The following TRMT11 variants were observed in gnomAD, a reference collection of about 807,000 sequenced individuals.
TRMT11 encodes the protein tRNA (guanine(10)-N(2))-methyltransferase TRMT11.
A neutral mutation model predicts 62.8 loss-of-function variants in TRMT11; 53 were observed. That is an observed-to-expected ratio of 0.84 (90% CI 0.68 to 1.06). The LOEUF is 1.06. Ranked by LOEUF, TRMT11 falls within the 50% of genes least tolerant of loss-of-function variation. The pLI, the probability that TRMT11 is intolerant of heterozygous loss-of-function variation, is 0.00. For missense variants in TRMT11, 556 were observed against 553.4 expected, an observed-to-expected ratio of 1.00 and a Z score of -0.05; for synonymous variants, 188 against 190.3, an observed-to-expected ratio of 0.99 and a Z score of 0.10.
chr6:126,068,836 G>C (rs1380015429), intron 17 of TRMT11, among the ~76,000 whole-genome samples: 2 of 152,054 alleles, frequency 1.3e-5, no homozygotes, highest in African/African-American at 4.8e-5. Flanking sequence ...TTTTTACTAA[G>C]TGAATCCCAA....
intron 8 of TRMT11, 56 bp from the exon 9 acceptor site, chr6:126,011,197 A>G: frequency 7.0e-7 from 1 of 1,434,894 alleles, no homozygotes; most frequent in South Asian, 1.4e-5. Context: ...CCTAAATGAC[A>G]GAAAATAAGA....
intron 16 of TRMT11, among the ~76,000 whole-genome samples, chr6:126,047,173 C>A (rs1306352029): frequency 1.3e-5 from 2 of 151,866 alleles, no homozygotes; most frequent in Non-Finnish European, 2.9e-5. Context: ...GGGCAGCGCC[C>A]TGACAAAGGC....
intron 17 of TRMT11, among the ~76,000 whole-genome samples, chr6:126,062,158 TCACA>T (rs1165687262): frequency 6.6e-6 from 1 of 152,256 alleles, no homozygotes; most frequent in Non-Finnish European, 1.5e-5. Context: ...AGTGCTGCGA[TCACA>T]GGTGTGAGCC....
At chr6:126,005,247 T>C (rs1793186749) in intron 7 of TRMT11, among the ~76,000 whole-genome samples, 1 of 152,086 alleles carries the variant, frequency 6.6e-6, no homozygotes, top group Non-Finnish European at 1.5e-5. Flanking sequence ...ATATTTTGCT[T>C]TTGTTTATCT....
chr6:126,093,631 A>ATATTTTTTTTTTT lies in TRMT11; in HGVS notation c.*1438-19234_*1438-19233insATTTTTTTTTTTT, dbSNP rs1554236842. The stretch of plus-strand genomic sequence containing the variant: ...TATATATATATATATATATATATAT[A>ATATTTTTTTTTTT]TTTTCCCCCAGTCCTGGAGGATCAA... On this transcript the variant is annotated intron_variant and NMD_transcript_variant, in intron 17 of 22. Coordinates refer to the TRMT11 transcript ENST00000648977. Among the ~76,000 whole-genome samples, 28 of 98,006 alleles carry ATATTTTTTTTTTT rather than the reference A, an allele frequency of 2.9e-4. 3 individuals are homozygous for ATATTTTTTTTTTT. The highest frequency in any genetic ancestry group is 1.2e-3 in the African/African-American group (27 of 22,918). The allele number at this position is 98,006 out of a possible 152,430, so 64.3% of individuals were successfully genotyped here.
At chr6:125,986,946 A>T in intron 1 of TRMT11, 1 of 337,876 alleles carries the variant, frequency 3.0e-6, no homozygotes, top group Non-Finnish European at 5.4e-6. Context: ...CAGCTAACAA[A>T]TGCTCAGGCT....
intron 12 of TRMT11, among the ~76,000 whole-genome samples, chr6:126,021,961 A>T (rs1413238414): frequency 6.6e-6 from 1 of 151,988 alleles, no homozygotes. Context: ...GCTCTCTTAA[A>T]TTCACTGGAA....
chr6:126,166,980 T>C (rs1173465250), intron 21 of TRMT11, among the ~76,000 whole-genome samples: 1 of 152,160 alleles, frequency 6.6e-6, no homozygotes, highest in African/African-American at 2.4e-5. Flanking sequence ...AGCTCAAGTG[T>C]CCCAGGTTGA....
the TRMT11 span, among the ~76,000 whole-genome samples, chr6:126,250,242 T>C: frequency 6.6e-6 from 1 of 152,148 alleles, no homozygotes; most frequent in Non-Finnish European, 1.5e-5. Flanking sequence ...GGAGACCTAA[T>C]GAGTGTAATT....
the TRMT11 span, among the ~76,000 whole-genome samples, chr6:126,262,702 C>A: frequency 6.6e-6 from 1 of 152,160 alleles, no homozygotes; most frequent in Non-Finnish European, 1.5e-5. Flanking sequence ...GGATTGCTGG[C>A]ATTTGTGGCA....
chr6:126,017,899 A>G (rs1795217964), intron 11 of TRMT11, among the ~76,000 whole-genome samples: 1 of 152,200 alleles, frequency 6.6e-6, no homozygotes, highest in African/African-American at 2.4e-5. Flanking sequence ...CAGGTGTTTG[A>G]TGTCATAGGA....
chr6:126,065,056 C>T (rs539496236), intron 17 of TRMT11, among the ~76,000 whole-genome samples: 2 of 152,266 alleles, frequency 1.3e-5, no homozygotes, highest in East Asian at 3.9e-4. Context: ...CAGCTGAGTC[C>T]TTATCAGCAG....
At chr6:126,227,578 T>C in the TRMT11 span, among the ~76,000 whole-genome samples, 1 of 152,224 alleles carries the variant, frequency 6.6e-6, no homozygotes, top group Non-Finnish European at 1.5e-5. Flanking sequence ...TAATGTTTTA[T>C]AGGTCCTTAA....
chr6:126,146,885 T>A, intron 21 of TRMT11, among the ~76,000 whole-genome samples: 1 of 38,618 alleles, frequency 2.6e-5, no homozygotes, highest in African/African-American at 1.2e-4. Flanking sequence ...AAATTATTTA[T>A]ATTGTTTCTA....
chr6:126,235,244 C>T, the TRMT11 span, among the ~76,000 whole-genome samples: 9 of 152,220 alleles, frequency 5.9e-5, no homozygotes, highest in East Asian at 5.8e-4. Flanking sequence ...AATGCTTTTA[C>T]GCTGTTTGTG....
chr6:126,184,643 T>C (rs1388805931), intron 1 of TRMT11, among the ~76,000 whole-genome samples: 1 of 152,074 alleles, frequency 6.6e-6, no homozygotes, highest in East Asian at 1.9e-4. Context: ...ATCTTTCTCT[T>C]GGTGCTTTCT....
intron 21 of TRMT11, among the ~76,000 whole-genome samples, chr6:126,137,672 G>A (rs1169474694): frequency 6.6e-6 from 1 of 151,834 alleles, no homozygotes; most frequent in Non-Finnish European, 1.5e-5. Flanking sequence ...GCAGTTTCAC[G>A]TTTATTGCAG....
the TRMT11 span, among the ~76,000 whole-genome samples, chr6:126,213,806 G>A: frequency 4.6e-5 from 7 of 151,998 alleles, no homozygotes; most frequent in Non-Finnish European, 5.9e-5. Context: ...TAGTGACAGT[G>A]GGCATCCTTG....
At chr6:126,107,323 G>A (rs901425762) in intron 17 of TRMT11, among the ~76,000 whole-genome samples, 3 of 152,134 alleles carry the variant, frequency 2.0e-5, no homozygotes, top group Non-Finnish European at 4.4e-5. Context: ...TATCATTAGC[G>A]TCAGAATGCA....
Sources: gnomAD v4.1 joint callset for allele counts (sites outside exome capture counted in the v4.1 genomes callset) on GRCh38, gnomAD v4.1.1 for gene constraint, MANE v1.5 for transcripts, NCBI Gene and HGNC (gene_info 2026-07-23, HGNC 2026-07-21) for gene names.